PIP4K2A: variants seen among roughly 807,000 people sequenced by gnomAD.
PIP4K2A encodes phosphatidylinositol 5-phosphate 4-kinase type-2 alpha.
PIP4K2A carries 14 observed loss-of-function variants against 42.9 expected under a neutral mutation model. The observed-to-expected ratio is 0.33, with a 90% CI of 0.22 to 0.51. The LOEUF (loss-of-function observed/expected upper bound fraction) is 0.51, where lower values mean the gene tolerates loss of function less well. Among genes scored for constraint, PIP4K2A ranks in the 20% least tolerant of loss-of-function variants. The probability of loss-of-function intolerance (pLI) is 0.97; values close to 1 mark genes in which losing one functional copy is unlikely to be tolerated. For synonymous variants in PIP4K2A, 192 were observed against 192.2 expected, an observed-to-expected ratio of 1.00 and a Z score of 0.01; for missense variants, 434 against 519.8, an observed-to-expected ratio of 0.83 and a Z score of 1.61.
intron 6 of PIP4K2A, among the ~76,000 whole-genome samples, chr10:22,564,632 A>G (rs890979803): frequency 6.6e-6 from 1 of 152,250 alleles, no homozygotes; most frequent in Admixed American, 6.5e-5. Context: ...CACTCATGGC[A>G]GCATGGAAGT....
At chr10:22,697,288 C>T (rs1036337495) in intron 1 of PIP4K2A, among the ~76,000 whole-genome samples, 3 of 152,170 alleles carry the variant, frequency 2.0e-5, no homozygotes, top group African/African-American at 4.8e-5. Flanking sequence ...TGCCAGGCTT[C>T]GGAATGTTTG....
At chr10:22,549,715 C>T (rs1330003963) in intron 7 of PIP4K2A, among the ~76,000 whole-genome samples, 2 of 151,242 alleles carry the variant, frequency 1.3e-5, no homozygotes, top group African/African-American at 4.9e-5. Context: ...GTGGCGGGTG[C>T]CTGTAGTCCC....
chr10:22,600,892 G>A (rs1019648899), intron 3 of PIP4K2A, among the ~76,000 whole-genome samples: 4 of 151,954 alleles, frequency 2.6e-5, no homozygotes, highest in African/African-American at 9.7e-5. Context: ...GATCTCAAGT[G>A]AAGAATAGCT....
chr10:22,549,838 C>CAAAAAAAAAAAAAAAAAA (rs56349240), intron 7 of PIP4K2A, among the ~76,000 whole-genome samples: 1 of 70,130 alleles, frequency 1.4e-5, no homozygotes, highest in Non-Finnish European at 2.6e-5. Flanking sequence ...GAATCCATCT[C>CAAAAAAAAAAAAAAAAAA]AAAAAAAAAA....
intron 1 of PIP4K2A, among the ~76,000 whole-genome samples, chr10:22,613,956 A>G (rs1011259297): frequency 1.3e-5 from 2 of 152,242 alleles, no homozygotes; most frequent in Non-Finnish European, 2.9e-5. Context: ...TCGATGGTGC[A>G]AGACCTTCAC....
At chr10:22,654,984 A>G (rs1839070289) in intron 1 of PIP4K2A, among the ~76,000 whole-genome samples, 1 of 152,174 alleles carries the variant, frequency 6.6e-6, no homozygotes, top group Non-Finnish European at 1.5e-5. Context: ...GCTCACACCT[A>G]TAATCCCTAC....
intron 1 of PIP4K2A, among the ~76,000 whole-genome samples, chr10:22,631,281 T>C (rs1225345292): frequency 6.6e-6 from 1 of 152,190 alleles, no homozygotes; most frequent in Non-Finnish European, 1.5e-5. Flanking sequence ...GAGTGTGACT[T>C]TGTTTGGAGA....
In PIP4K2A at chr10:22,541,838, C is replaced by G. The variant is rs757400443; in HGVS notation, c.1002G>C (p.Pro334=). 2.5e-6 allele frequency: 4 copies of G among 1,578,618 alleles called. No individual in the cohort carries two copies. The East Asian group carries it at 9.0e-5, about 35-fold the overall frequency. Residue 334 remains proline (P), a synonymous_variant, in exon 8 of 10, where the codon CCG becomes CCC. Coordinates refer to ENST00000376573, the MANE Select transcript of PIP4K2A (RefSeq NM_005028.5). ...ACTTAATTCCATAGACGTCGATGTT[C>G]GGATCGAACTCCCCGGGAGCCAGGG... is the stretch of plus-strand genomic sequence containing the variant. ...SPPLAPGEFD[P]NIDVYGIKCH...
chr10:22,581,514 T>G (rs1407642775), intron 4 of PIP4K2A, among the ~76,000 whole-genome samples: 2 of 144,692 alleles, frequency 1.4e-5, no homozygotes, highest in Admixed American at 1.4e-4. Flanking sequence ...GAGGGTTGCT[T>G]TAGCCCAGGA....
intron 1 of PIP4K2A, among the ~76,000 whole-genome samples, chr10:22,713,438 C>T (rs914139465): frequency 6.6e-6 from 1 of 152,070 alleles, no homozygotes; most frequent in African/African-American, 2.4e-5. Flanking sequence ...GCCTGACTCC[C>T]CAAAGTGGGG....
chr10:22,598,053 C>T (rs926290719), intron 3 of PIP4K2A, among the ~76,000 whole-genome samples: 1 of 152,168 alleles, frequency 6.6e-6, no homozygotes, highest in Non-Finnish European at 1.5e-5. Flanking sequence ...AATAAAGTGA[C>T]ATTATTTAAA....
chr10:22,705,426 TAAAAAAA>T (rs150254345), intron 1 of PIP4K2A, among the ~76,000 whole-genome samples: 71 of 29,262 alleles, frequency 2.4e-3, no homozygotes, highest in South Asian at 6.0e-3. Context: ...GTACCCCAGT[TAAAAAAA>T]AAAAAAAAAA....
chr10:22,699,944 G>A (rs1833681604), intron 1 of PIP4K2A, among the ~76,000 whole-genome samples: 1 of 152,094 alleles, frequency 6.6e-6, no homozygotes, highest in Non-Finnish European at 1.5e-5. Context: ...GATATATAAT[G>A]GACTTTAGAA....
chr10:22,685,570 T>A (rs1206287918), intron 1 of PIP4K2A, among the ~76,000 whole-genome samples: 2 of 152,028 alleles, frequency 1.3e-5, no homozygotes, highest in African/African-American at 2.4e-5. Context: ...AAAAATTCGC[T>A]GGGCATGGTG....
chr10:22,589,557 A>C (rs1406278697), intron 4 of PIP4K2A, among the ~76,000 whole-genome samples: 1 of 152,264 alleles, frequency 6.6e-6, no homozygotes, highest in Admixed American at 6.5e-5. Flanking sequence ...AATATAGCTC[A>C]AAGATTTTTA....
At chr10:22,669,486 AAAC>A (rs1333901141) in intron 1 of PIP4K2A, among the ~76,000 whole-genome samples, 27 of 152,322 alleles carry the variant, frequency 1.8e-4, no homozygotes, top group African/African-American at 6.3e-4. Flanking sequence ...AACAAACAAA[AAAC>A]AACAAAACTG....
At chr10:22,539,611 T>C (rs1836038799) in intron 9 of PIP4K2A, 1 of 196,414 alleles carries the variant, frequency 5.1e-6, no homozygotes. Flanking sequence ...CAAAAAAGAA[T>C]TTGTGTAACA....
chr10:22,545,676 A>G (rs945637988), intron 7 of PIP4K2A, among the ~76,000 whole-genome samples: 1 of 152,228 alleles, frequency 6.6e-6, no homozygotes, highest in Non-Finnish European at 1.5e-5. Context: ...GAAGACTGAG[A>G]AAATTGCAGT....
intron 9 of PIP4K2A, among the ~76,000 whole-genome samples, chr10:22,537,847 G>A (rs904632873): frequency 1.3e-5 from 2 of 152,180 alleles, no homozygotes; most frequent in African/African-American, 4.8e-5. Flanking sequence ...TCCCTGCACC[G>A]TAACCAGGTG....
Sources: allele counts gnomAD v4.1 joint callset (sites outside exome capture counted in the v4.1 genomes callset), GRCh38; gene constraint gnomAD v4.1.1; transcripts MANE v1.5; gene names NCBI Gene and HGNC (gene_info 2026-07-23, HGNC 2026-07-21).